Variants in CLIC6 observed in about 807,000 individuals in gnomAD.
The protein encoded by CLIC6 is CLIC family member 6.
Under a neutral mutation model 49.2 loss-of-function variants are expected in CLIC6, and 39 were observed. That is an observed-to-expected ratio of 0.79 (90% CI 0.61 to 1.04). CLIC6 has a LOEUF of 1.04. CLIC6 is among the 50% of genes least tolerant of loss of function. The pLI, the probability that CLIC6 is intolerant of heterozygous loss-of-function variation, is 0.00. For synonymous variants in CLIC6, 446 were observed against 433.4 expected (o/e 1.03, Z -0.36); for missense variants, 988 against 993.1 (o/e 0.99, Z 0.07).
intron 1 of CLIC6, among the ~76,000 whole-genome samples, chr21:34,689,159 T>C (rs1989939951): frequency 6.6e-6 from 1 of 152,204 alleles, no homozygotes; most frequent in African/African-American, 2.4e-5. Context: ...CCCTCTTGTT[T>C]CTTCCTCATG....
intron 1 of CLIC6, among the ~76,000 whole-genome samples, chr21:34,672,523 G>C (rs1468548660): frequency 6.6e-6 from 1 of 152,218 alleles, no homozygotes; most frequent in Non-Finnish European, 1.5e-5. Context: ...CCAAGAGTTA[G>C]CATGGATGTC....
rs1040135497 is a variant in CLIC6, at chr21:34,698,503, G to GAGGA, written c.1375-8762_1375-8759dup. Among the ~76,000 whole-genome samples the GAGGA allele has an allele frequency of 2.0e-4, 30 of 151,600 alleles. No homozygotes were observed. The East Asian group carries it at 2.1e-3, about 11-fold the overall frequency. On this transcript the variant is annotated intron_variant, in intron 1 of 5. Transcript: ENST00000349499. Reference sequence around the variant, plus strand: ...AGACAGAAGGGAGGAAGGAAGGAAAGAGGAAGGAAGGAAGGAAGCAAGGAA... The same window carrying GAGGA: ...AGACAGAAGGGAGGAAGGAAGGAAAGAGGAAGGAAGGAAGGAAGGAAGCAAGGAA...
chr21:34,690,896 A>T (rs1989980937), intron 1 of CLIC6, among the ~76,000 whole-genome samples: 1 of 151,424 alleles, frequency 6.6e-6, no homozygotes, highest in South Asian at 2.1e-4. Context: ...GTGGCACAGA[A>T]AAGAATTCCT....
chr21:34,716,525 G>A lies in CLIC6; in HGVS notation c.*43G>A. ...TCTTATTTCTCAGTTGAGTGAGCAA[G>A]GATACGAAAACAGTGTGTTTGAAAA... On this transcript the variant is annotated 3_prime_UTR_variant, in exon 6 of 6. Transcript: ENST00000349499. 2 of 1,536,838 alleles carry A rather than the reference G, an allele frequency of 1.3e-6. No individual in the cohort carries two copies. The highest frequency in any genetic ancestry group is 1.8e-6 in the Non-Finnish European group (2 of 1,134,550).
At chr21:34,687,139 C>T (rs1989898254) in intron 1 of CLIC6, among the ~76,000 whole-genome samples, 1 of 152,040 alleles carries the variant, frequency 6.6e-6, no homozygotes, top group Admixed American at 6.5e-5. Context: ...AAAGACAGGG[C>T]CAGATGGGAG....
chr21:34,708,854 T>A, intron 4 of CLIC6, 48 bp downstream of exon 4: 1 of 1,358,486 alleles, frequency 7.4e-7, no homozygotes, highest in East Asian at 2.3e-5. Flanking sequence ...GACTTGAGTC[T>A]TAGCATGGCG....
chr21:34,701,307 T>C (rs1990185804), intron 1 of CLIC6, among the ~76,000 whole-genome samples: 4 of 36,302 alleles, frequency 1.1e-4, no homozygotes, highest in Admixed American at 7.1e-4. Flanking sequence ...AGGCTCCGTC[T>C]CAAAAAAAAA....
At chr21:34,673,091 A>T (rs1989596713) in intron 1 of CLIC6, among the ~76,000 whole-genome samples, 1 of 152,196 alleles carries the variant, frequency 6.6e-6, no homozygotes, top group Non-Finnish European at 1.5e-5. Context: ...TGTGAAAAGT[A>T]AAAACAACTT....
chr21:34,712,514 G>A (rs2056063156), intron 5 of CLIC6, among the ~76,000 whole-genome samples: 1 of 152,144 alleles, frequency 6.6e-6, no homozygotes, highest in South Asian at 2.1e-4. Context: ...TTCTTTGCTT[G>A]AGGCCTAGAG....
rs2056085701 is a variant in CLIC6 at position 34,716,423 on chromosome 21, T to C, written c.2002T>C (p.Cys668Arg). The C allele has an allele frequency of 6.2e-7, 1 of 1,614,046 alleles. No homozygotes were observed. The highest frequency in any genetic ancestry group is 1.1e-5 in the South Asian group (1 of 91,054). ...TGCTAGAGATGAGTTCACAAATACG[T>C]GTCCAGCTGATCAAGAGATTGAACA... ...AYARDEFTNT[C>R]PADQEIEHAY... Residue 668 changes from cysteine to arginine, a missense_variant, in exon 6 of 6, where the codon TGT becomes CGT. Coordinates refer to ENST00000349499, the MANE Select transcript of CLIC6 (RefSeq NM_053277.3).
intron 1 of CLIC6, among the ~76,000 whole-genome samples, chr21:34,697,385 G>A (rs1254127691): frequency 1.3e-5 from 2 of 152,118 alleles, no homozygotes. Flanking sequence ...AACACTGACA[G>A]ACCTCAGCCC....
chr21:34,692,517 G>A (rs1990015266), intron 1 of CLIC6, among the ~76,000 whole-genome samples: 1 of 152,186 alleles, frequency 6.6e-6, no homozygotes, highest in Non-Finnish European at 1.5e-5. Context: ...AAAAGGAAGT[G>A]TTCTAAAATC....
At chr21:34,716,288 T>A (rs775434573) in intron 5 of CLIC6, 33 bp from the exon 6 acceptor site, 2 of 1,595,918 alleles carry the variant, frequency 1.3e-6, no homozygotes, top group South Asian at 2.3e-5. Context: ...TAGCAAGTTT[T>A]CCCTTTACTG....
At chr21:34,682,189 G>A (rs181060131) in intron 1 of CLIC6, among the ~76,000 whole-genome samples, 161 of 152,258 alleles carry the variant, frequency 1.1e-3, no homozygotes, top group African/African-American at 2.6e-3. Context: ...GCATTGCTAC[G>A]GGAAAGGGTG....
chr21:34,672,532 T>C (rs1568955775), intron 1 of CLIC6, among the ~76,000 whole-genome samples: 1 of 152,232 alleles, frequency 6.6e-6, no homozygotes, highest in Non-Finnish European at 1.5e-5. Flanking sequence ...AGCATGGATG[T>C]CATATCTTCC....
Position 34,717,832 on chromosome 21 carries a change from AT to A in CLIC6, c.*1352del, listed in dbSNP as rs1229709195. The stretch of plus-strand genomic sequence containing the variant: ...AATGTGTACACCTGCTCTAGGGACG[AT>A]TCGTTTGAAAGAGAGTAAGATGCAT... On this transcript the variant is annotated 3_prime_UTR_variant, in exon 6 of 6. Transcript: ENST00000349499. 6 of 152,230 alleles carry A rather than the reference AT, an allele frequency of 3.9e-5. No homozygotes were observed. Among genetic ancestry groups the A allele is most frequent in the Admixed American group, 1.3e-4 (2 of 15,288 alleles). The allele number at this position is 152,230 out of a possible 1,614,324, so 9.4% of individuals were successfully genotyped here.
At chr21:34,672,808 G>A (rs1423301342) in intron 1 of CLIC6, among the ~76,000 whole-genome samples, 3 of 152,138 alleles carry the variant, frequency 2.0e-5, no homozygotes, top group Non-Finnish European at 4.4e-5. Flanking sequence ...TATCATTGTG[G>A]TCTCATTGAT....
At chr21:34,675,205 T>C (rs1989638257) in intron 1 of CLIC6, among the ~76,000 whole-genome samples, 1 of 146,584 alleles carries the variant, frequency 6.8e-6, no homozygotes, top group Non-Finnish European at 1.5e-5. Flanking sequence ...AAGAAGGACA[T>C]GGCCTTTGAA....
At position 34,669,581 on chromosome 21, in the gene CLIC6, C is replaced by CTGTGAAG; in HGVS notation, c.193_194insTGTGAAG (p.Pro65LeufsTer2). On this transcript the variant is annotated stop_gained and frameshift_variant, in exon 1 of 6. Coordinates refer to ENST00000349499, the MANE Select transcript of CLIC6 (RefSeq NM_053277.3). LOFTEE classifies it high-confidence loss of function. ...TGTGAAGGAGGCAGGAGGCGGCGGG[C>CTGTGAAG]CAGACAGGGGCCCGGAGGCCGAGGC... The CTGTGAAG allele has an allele frequency of 4.0e-6, 5 of 1,261,460 alleles. No homozygotes were observed. The highest frequency in any genetic ancestry group is 5.0e-6 in the Non-Finnish European group (5 of 1,006,568). The allele number at this position is 1,261,460 out of a possible 1,614,324, so 78.1% of individuals were successfully genotyped here.
Sources: gnomAD v4.1 joint callset for allele counts (sites outside exome capture counted in the v4.1 genomes callset) on GRCh38, gnomAD v4.1.1 for gene constraint, MANE v1.5 for transcripts, NCBI Gene and HGNC (gene_info 2026-07-23, HGNC 2026-07-21) for gene names.